PDZD2: variants seen among roughly 807,000 people sequenced by gnomAD.
The protein encoded by PDZD2 is PDZ domain-containing protein 2.
Under a neutral mutation model 220.7 loss-of-function variants are expected in PDZD2, and 90 were observed. The observed-to-expected ratio is 0.41, with a 90% CI of 0.34 to 0.49. The LOEUF is 0.49. Ranked by LOEUF, PDZD2 falls within the 20% of genes least tolerant of loss-of-function variation. The probability of loss-of-function intolerance (pLI) is 0.28; values close to 1 mark genes in which losing one functional copy is unlikely to be tolerated. For missense variants in PDZD2, 3,174 were observed against 3,608.5 expected (o/e 0.88, Z 3.08); for synonymous variants, 1,375 against 1,450.5 (o/e 0.95, Z 1.18).
intron 20 of PDZD2, among the ~76,000 whole-genome samples, chr5:32,092,320 C>G (rs1743234322): frequency 6.8e-6 from 1 of 146,552 alleles, no homozygotes; most frequent in East Asian, 2.0e-4. Context: ...GGCCTATAGT[C>G]CCAGCACTTT....
In PDZD2 at chr5:32,070,673, G is replaced by A. The variant is rs571535504; in HGVS notation, c.2534-711G>A. On this transcript the variant is annotated intron_variant, in intron 15 of 24. Coordinates refer to ENST00000438447, the MANE Select transcript of PDZD2 (RefSeq NM_178140.4). Reference sequence around the variant, plus strand: ...TTCAATCCATTCAGCAATTATCACCGAACACTTAGTAGATATGAAGTACAA... The same window carrying A: ...TTCAATCCATTCAGCAATTATCACCAAACACTTAGTAGATATGAAGTACAA... 4.9e-4 allele frequency among the ~76,000 whole-genome samples: 74 copies of A among 152,306 alleles called. 2 individuals are homozygous for A. In the South Asian group the frequency reaches 0.013, roughly 26 times the overall value.
At chr5:31,864,560 C>A (rs1422292067) in intron 2 of PDZD2, among the ~76,000 whole-genome samples, 1 of 151,932 alleles carries the variant, frequency 6.6e-6, no homozygotes, top group African/African-American at 2.4e-5. Flanking sequence ...GCTCTTGTCG[C>A]CCAGGCTGGA....
At chr5:32,049,069 G>A (rs1022693409) in intron 8 of PDZD2, among the ~76,000 whole-genome samples, 29 of 152,048 alleles carry the variant, frequency 1.9e-4, no homozygotes, top group African/African-American at 1.7e-4. Flanking sequence ...GGGAGTGTGC[G>A]TGTGTGCCTG....
chr5:32,029,873 C>T (rs1053628148), intron 6 of PDZD2, among the ~76,000 whole-genome samples: 2 of 152,210 alleles, frequency 1.3e-5, no homozygotes, highest in South Asian at 4.1e-4. Context: ...CAAGAAAAGG[C>T]AGGTTGATGA....
chr5:31,647,516 T>G (rs1309196358), intron 1 of PDZD2, among the ~76,000 whole-genome samples: 1 of 152,318 alleles, frequency 6.6e-6, no homozygotes, highest in South Asian at 2.1e-4. Flanking sequence ...CTCTTGCAGC[T>G]TCTGGGAGCT....
At chr5:31,772,122 T>C (rs1752373809) in intron 1 of PDZD2, among the ~76,000 whole-genome samples, 1 of 152,184 alleles carries the variant, frequency 6.6e-6, no homozygotes, top group African/African-American at 2.4e-5. Context: ...TTGTCCTCCA[T>C]TTTGAAGTTT....
At position 31,995,589 on chromosome 5, in the gene PDZD2, G is replaced by A. The variant is rs200521349; in HGVS notation, c.992G>A (p.Arg331Gln). The A allele has an allele frequency of 1.9e-5, 30 of 1,614,002 alleles. No individual in the cohort carries two copies. The highest frequency in any genetic ancestry group is 5.5e-5 in the South Asian group (5 of 91,082). The change falls in exon 4 of 25, where the codon CGA becomes CAA. Residue 331 changes from arginine to glutamine, a missense_variant. Transcript: ENST00000438447. ...SDCLAREEVGRIWKMELLKES... is the reference protein window; with the variant it reads ...SDCLAREEVGQIWKMELLKES... ...TTTTCTTCCAAGGAGGAAGTTGGCC[G>A]AATATGGAAGATGGAGCTGCTCAAA...
chr5:31,667,317 G>T (rs527497738), intron 1 of PDZD2, among the ~76,000 whole-genome samples: 71 of 152,046 alleles, frequency 4.7e-4, no homozygotes, highest in African/African-American at 1.6e-3. Context: ...GGATACAGGG[G>T]TGAGTGAGAC....
intron 2 of PDZD2, among the ~76,000 whole-genome samples, chr5:31,975,801 TTATTTA>T (rs538160367): frequency 0.053 from 1,412 of 26,532 alleles, 181 homozygotes; most frequent in East Asian, 0.22. Flanking sequence ...CACTTTTTTT[TTATTTA>T]TTTTTTTTTT....
At chr5:31,794,437 G>T (rs563285646) in intron 1 of PDZD2, among the ~76,000 whole-genome samples, 1 of 117,136 alleles carries the variant, frequency 8.5e-6, no homozygotes, top group East Asian at 2.5e-4. Context: ...GTCTTGCTCT[G>T]TCGCCCAGGC....
intron 1 of PDZD2, among the ~76,000 whole-genome samples, chr5:31,727,545 A>G (rs376802779): frequency 1.3e-5 from 2 of 151,762 alleles, no homozygotes; most frequent in East Asian, 3.9e-4. Flanking sequence ...CTAAAAATAC[A>G]AACAATTAGC....
intron 1 of PDZD2, among the ~76,000 whole-genome samples, chr5:31,701,205 A>AT (rs11447721): frequency 0.26 from 34,713 of 131,286 alleles, 4,179 homozygotes; most frequent in East Asian, 0.36. Flanking sequence ...ATATATATAT[A>AT]TTTTTTTTTG....
intron 6 of PDZD2, among the ~76,000 whole-genome samples, chr5:32,017,174 CA>C (rs1367452441): frequency 6.6e-6 from 1 of 152,246 alleles, no homozygotes; most frequent in Admixed American, 6.5e-5. Context: ...CAGTGGCTCA[CA>C]CCTGTAACCC....
At chr5:31,707,323 T>A (rs1320948104) in intron 1 of PDZD2, among the ~76,000 whole-genome samples, 1 of 151,394 alleles carries the variant, frequency 6.6e-6, no homozygotes, top group Non-Finnish European at 1.5e-5. Context: ...ATTAATTAAT[T>A]AATTAATTAA....
chr5:31,699,508 G>T (rs1014458311), intron 1 of PDZD2, among the ~76,000 whole-genome samples: 1 of 152,088 alleles, frequency 6.6e-6, no homozygotes, highest in Admixed American at 6.6e-5. Flanking sequence ...CAGCGCTTTG[G>T]GAGGCTGAAG....
chr5:31,692,339 G>A (rs1041882128), intron 1 of PDZD2, among the ~76,000 whole-genome samples: 4 of 152,228 alleles, frequency 2.6e-5, no homozygotes, highest in Admixed American at 2.0e-4. Context: ...TCCCGCCCGC[G>A]CCTCTCCCTC....
chr5:31,822,384 C>T (rs545568935), intron 2 of PDZD2, among the ~76,000 whole-genome samples: 1 of 151,318 alleles, frequency 6.6e-6, no homozygotes, highest in South Asian at 2.1e-4. Context: ...GATCCTCCCA[C>T]CTCAGCCCCC....
rs145580293 is a variant in PDZD2 at position 31,646,051 on chromosome 5, G to A, written c.-361+6614G>A. ...GTCAGGGAGCTTTGCACTGCGGGGGGGCCTTCTCACTACTGTCACTCCTAG... is the reference window on the plus strand; with the variant it reads ...GTCAGGGAGCTTTGCACTGCGGGGGAGCCTTCTCACTACTGTCACTCCTAG... On this transcript the variant is annotated intron_variant, in intron 1 of 24. Coordinates refer to ENST00000438447, the MANE Select transcript of PDZD2 (RefSeq NM_178140.4). This position sits in a 1 kb window ranked among gnomAD's most constrained non-coding sequence, Gnocchi z 4.7. Among the ~76,000 whole-genome samples, 63 of 152,086 alleles carry A rather than the reference G, an allele frequency of 4.1e-4. No homozygotes were observed. In the East Asian group the frequency reaches 0.011, roughly 27 times the overall value.
chr5:31,692,920 G>C (rs566612885), intron 1 of PDZD2: 6 of 152,324 alleles, frequency 3.9e-5, no homozygotes, highest in Non-Finnish European at 8.8e-5. Flanking sequence ...CATGAGGGCC[G>C]GCGTTCCTGC....
Sources: allele counts gnomAD v4.1 joint callset (sites outside exome capture counted in the v4.1 genomes callset), GRCh38; gene constraint gnomAD v4.1.1; non-coding constraint Gnocchi (gnomAD v3.1); transcripts MANE v1.5; gene names NCBI Gene and HGNC (gene_info 2026-07-23, HGNC 2026-07-21).